GRIP1: variants seen among roughly 807,000 people sequenced by gnomAD.
The protein encoded by GRIP1 is glutamate receptor-interacting protein 1.
A neutral mutation model predicts 129.9 loss-of-function variants in GRIP1; 45 were observed. The ratio of observed to expected loss-of-function variants is 0.35; its 90% CI spans 0.27 to 0.44. The LOEUF (loss-of-function observed/expected upper bound fraction) is 0.44, where lower values mean the gene tolerates loss of function less well. Ranked by LOEUF, GRIP1 falls within the 20% of genes least tolerant of loss-of-function variation. The probability of loss-of-function intolerance (pLI) is 1.00; values close to 1 mark genes in which losing one functional copy is unlikely to be tolerated. For synonymous variants in GRIP1, 530 were observed against 520.8 expected, an observed-to-expected ratio of 1.02 and a Z score of -0.24; for missense variants, 1,196 against 1,396.8, an observed-to-expected ratio of 0.86 and a Z score of 2.29.
chr12:66,745,808 C>T (rs1035994237), intron 1 of GRIP1, among the ~76,000 whole-genome samples: 1 of 152,052 alleles, frequency 6.6e-6, no homozygotes, highest in Non-Finnish European at 1.5e-5. Context: ...ACAGAGGTGT[C>T]CCAGAAGCCA....
At chr12:67,054,558 G>A (rs2135862990) in intron 1 of GRIP1, among the ~76,000 whole-genome samples, 1 of 152,244 alleles carries the variant, frequency 6.6e-6, no homozygotes, top group East Asian at 1.9e-4. Flanking sequence ...CAGGCCAGCA[G>A]TTCAAGACTA....
At chr12:66,999,173 A>G (rs1420327125) in intron 1 of GRIP1, among the ~76,000 whole-genome samples, 2 of 152,114 alleles carry the variant, frequency 1.3e-5, no homozygotes, top group Non-Finnish European at 2.9e-5. Context: ...CAATGGAGCA[A>G]ACAATAATAA....
rs1165364361 is a variant in GRIP1 at position 66,347,701 on chromosome 12, C to T, written c.*1318G>A. The T allele has an allele frequency of 1.3e-5, 2 of 151,950 alleles. No individual in the cohort carries two copies. The highest frequency in any genetic ancestry group is 4.8e-5 in the African/African-American group (2 of 41,362). The allele number at this position is 151,950 out of a possible 1,614,324, so 9.4% of individuals were successfully genotyped here. On this transcript the variant is annotated 3_prime_UTR_variant, in exon 25 of 25. Coordinates refer to ENST00000359742, the MANE Select transcript of GRIP1 (RefSeq NM_001366722.1). Reference sequence around the variant, plus strand: ...TGATCCTGCTTTATACTTTCTTGCCCTGGCGGTTCTGAAATGTGATTGAAA... The same window carrying T: ...TGATCCTGCTTTATACTTTCTTGCCTTGGCGGTTCTGAAATGTGATTGAAA...
chr12:66,585,326 C>G (rs1366798102), intron 2 of GRIP1, among the ~76,000 whole-genome samples: 1 of 129,434 alleles, frequency 7.7e-6, no homozygotes, highest in East Asian at 2.3e-4. Context: ...TTGTTCAATT[C>G]CCACCTATGA....
chr12:66,690,357 T>C (rs1463318643), intron 1 of GRIP1, among the ~76,000 whole-genome samples: 2 of 149,070 alleles, frequency 1.3e-5, no homozygotes, highest in Non-Finnish European at 3.0e-5. Context: ...CTTCTTTTCA[T>C]TGCTCAATAA....
At chr12:66,431,750 T>G (rs1483646058) in intron 14 of GRIP1, among the ~76,000 whole-genome samples, 3 of 152,194 alleles carry the variant, frequency 2.0e-5, no homozygotes, top group African/African-American at 7.2e-5. Context: ...GCATTTAGTC[T>G]ATGGATATTA....
At chr12:66,882,244 C>T (rs2040492174) in intron 1 of GRIP1, among the ~76,000 whole-genome samples, 2 of 149,658 alleles carry the variant, frequency 1.3e-5, no homozygotes, top group South Asian at 4.2e-4. Flanking sequence ...ACTCTTCTAT[C>T]AACACGATGT....
In GRIP1 at chr12:66,907,748, C is replaced by T. The variant is rs146521994; in HGVS notation, c.58+161302G>A. On this transcript the variant is annotated intron_variant, in intron 1 of 1. Transcript: ENST00000643019. ...ATGAGGTTGGAAATATGATGAGAAA[C>T]TTCAAATAACAACAAAGAAAGGGGA... is the stretch of plus-strand genomic sequence containing the variant. Among the ~76,000 whole-genome samples the T allele has an allele frequency of 8.5e-5, 13 of 152,162 alleles. No homozygotes were observed. The East Asian group carries it at 2.5e-3, about 29-fold the overall frequency.
At chr12:66,493,825 A>T (rs1039047166) in intron 7 of GRIP1, among the ~76,000 whole-genome samples, 2 of 152,200 alleles carry the variant, frequency 1.3e-5, no homozygotes, top group Non-Finnish European at 2.9e-5. Context: ...TTATTATGTT[A>T]AGAAGTGAAC....
At chr12:66,864,228 A>G (rs1363147218) in intron 1 of GRIP1, among the ~76,000 whole-genome samples, 3 of 151,886 alleles carry the variant, frequency 2.0e-5, no homozygotes, top group East Asian at 3.9e-4. Flanking sequence ...CATGTCCTCA[A>G]TATACACCAT....
At chr12:67,025,113 C>A (rs943788859) in intron 1 of GRIP1, among the ~76,000 whole-genome samples, 3 of 152,230 alleles carry the variant, frequency 2.0e-5, no homozygotes, top group South Asian at 2.1e-4. Flanking sequence ...CCAAGGCAGG[C>A]AGATAACTTG....
chr12:66,811,236 T>C (rs1189227413), intron 1 of GRIP1, among the ~76,000 whole-genome samples: 1 of 152,346 alleles, frequency 6.6e-6, no homozygotes, highest in South Asian at 2.1e-4. Context: ...TCAATAAGTG[T>C]AGAATGAGCA....
intron 1 of GRIP1, among the ~76,000 whole-genome samples, chr12:66,755,296 T>C (rs2037252817): frequency 6.6e-6 from 1 of 152,154 alleles, no homozygotes; most frequent in Non-Finnish European, 1.5e-5. Context: ...ATGTGATAAA[T>C]AACTAACTAG....
intron 1 of GRIP1, among the ~76,000 whole-genome samples, chr12:66,954,488 C>A (rs2041809124): frequency 6.6e-6 from 1 of 152,204 alleles, no homozygotes; most frequent in Non-Finnish European, 1.5e-5. Flanking sequence ...CCTGTCTCAA[C>A]CACACCAGTA....
At chr12:67,016,019 T>A (rs1173947710) in intron 1 of GRIP1, among the ~76,000 whole-genome samples, 1 of 152,216 alleles carries the variant, frequency 6.6e-6, no homozygotes, top group Non-Finnish European at 1.5e-5. Context: ...CAATAGCATT[T>A]ACTTAATCTG....
At chr12:66,911,462 A>G (rs918260387) in intron 1 of GRIP1, among the ~76,000 whole-genome samples, 14 of 151,882 alleles carry the variant, frequency 9.2e-5, no homozygotes, top group Admixed American at 2.0e-4. Context: ...CTGGCATTCT[A>G]CTCTCTAGGC....
intron 1 of GRIP1, among the ~76,000 whole-genome samples, chr12:66,982,466 T>C (rs1193547974): frequency 6.6e-6 from 1 of 152,180 alleles, no homozygotes; most frequent in Non-Finnish European, 1.5e-5. Context: ...CTTCCAAGCT[T>C]AGGCTGAAAT....
chr12:66,578,232 G>GT lies in GRIP1; in HGVS notation c.136+18614dup, dbSNP rs547352236. 4.2e-3 allele frequency among the ~76,000 whole-genome samples: 435 copies of GT among 102,510 alleles called. 13 individuals carry two copies. Among genetic ancestry groups the GT allele is most frequent in the African/African-American group, 0.012 (324 of 27,402 alleles). The allele number at this position is 102,510 out of a possible 152,430, so 67.3% of individuals were successfully genotyped here. A position where few individuals can be genotyped will look rare whatever the true frequency, so the allele number is the denominator to read the frequency against. ...GCCTGACTAATATGGCAAAACCGCGGTTTTTTTTTTTTTTTTTGTAAAAAT... is the reference window on the plus strand; with the variant it reads ...GCCTGACTAATATGGCAAAACCGCGGTTTTTTTTTTTTTTTTTTGTAAAAAT... On this transcript the variant is annotated intron_variant, in intron 2 of 24. Coordinates refer to ENST00000359742, the MANE Select transcript of GRIP1 (RefSeq NM_001366722.1).
intron 7 of GRIP1, among the ~76,000 whole-genome samples, chr12:66,472,623 C>T (rs1032399585): frequency 5.3e-5 from 8 of 152,166 alleles, no homozygotes; most frequent in Non-Finnish European, 1.2e-4. Context: ...ATCTGAGGTA[C>T]ATGGCTTATC....
Sources: gnomAD v4.1 joint callset for allele counts (sites outside exome capture counted in the v4.1 genomes callset) on GRCh38, gnomAD v4.1.1 for gene constraint, MANE v1.5 for transcripts, NCBI Gene and HGNC (gene_info 2026-07-23, HGNC 2026-07-21) for gene names.